Variants in SKAP2 observed in about 807,000 individuals in gnomAD.
The protein encoded by SKAP2 is src kinase-associated phosphoprotein 2.
Under a neutral mutation model 54.9 loss-of-function variants are expected in SKAP2, and 28 were observed. The ratio of observed to expected loss-of-function variants is 0.51; its 90% CI spans 0.38 to 0.70. The LOEUF (loss-of-function observed/expected upper bound fraction) is 0.70. Ranked by LOEUF, SKAP2 falls within the 30% of genes least tolerant of loss-of-function variation. The pLI is 0.00. For synonymous variants in SKAP2, 137 were observed against 134.3 expected (o/e 1.02, Z -0.14); for missense variants, 356 against 424.1 (o/e 0.84, Z 1.41).
At chr7:26,727,323 T>G (rs561293575) in intron 6 of SKAP2, among the ~76,000 whole-genome samples, 1 of 152,176 alleles carries the variant, frequency 6.6e-6, no homozygotes, top group Admixed American at 6.6e-5. Flanking sequence ...CACAAACCTT[T>G]GGCTCTTTCA....
chr7:26,794,930 C>T (rs1783743422), intron 4 of SKAP2, among the ~76,000 whole-genome samples: 1 of 152,190 alleles, frequency 6.6e-6, no homozygotes, highest in Non-Finnish European at 1.5e-5. Context: ...CCTAATAAAA[C>T]CCCATGTCTC....
At chr7:26,808,626 A>C (rs925329206) in intron 4 of SKAP2, among the ~76,000 whole-genome samples, 1 of 148,946 alleles carries the variant, frequency 6.7e-6, no homozygotes, top group African/African-American at 2.5e-5. Flanking sequence ...AAATTTCATA[A>C]TATGTGTCTT....
At chr7:26,794,676 C>T (rs765270915) in intron 4 of SKAP2, among the ~76,000 whole-genome samples, 1 of 152,206 alleles carries the variant, frequency 6.6e-6, no homozygotes, top group African/African-American at 2.4e-5. Context: ...TAGCCCACCA[C>T]CATTAGATTG....
At chr7:26,836,606 A>T (rs1784718490) in intron 4 of SKAP2, among the ~76,000 whole-genome samples, 1 of 152,238 alleles carries the variant, frequency 6.6e-6, no homozygotes, top group Non-Finnish European at 1.5e-5. Flanking sequence ...ATCACTGGAC[A>T]TGAGAGAAAT....
intron 4 of SKAP2, among the ~76,000 whole-genome samples, chr7:26,828,242 T>C (rs1784531937): frequency 1.3e-5 from 2 of 152,198 alleles, no homozygotes; most frequent in South Asian, 4.1e-4. Context: ...AGGTTTGTAT[T>C]TGCAATGCAA....
intron 11 of SKAP2, among the ~76,000 whole-genome samples, chr7:26,676,812 C>A (rs1225752506): frequency 6.6e-6 from 1 of 152,136 alleles, no homozygotes; most frequent in Non-Finnish European, 1.5e-5. Context: ...AAAAGAGAAG[C>A]AACTAATCCT....
At chr7:26,764,369 G>A (rs1470842793) in intron 4 of SKAP2, among the ~76,000 whole-genome samples, 4 of 152,154 alleles carry the variant, frequency 2.6e-5, no homozygotes, top group Non-Finnish European at 5.9e-5. Context: ...GACTACTCCT[G>A]TTGAACCGTA....
intron 11 of SKAP2, among the ~76,000 whole-genome samples, chr7:26,678,441 T>G (rs1786405591): frequency 6.7e-6 from 1 of 148,928 alleles, no homozygotes; most frequent in Admixed American, 6.6e-5. Flanking sequence ...AACTGGTTGT[T>G]CTTTTTTTTT....
chr7:26,810,711 C>G (rs1319375769), intron 4 of SKAP2, among the ~76,000 whole-genome samples: 1 of 152,114 alleles, frequency 6.6e-6, no homozygotes, highest in Non-Finnish European at 1.5e-5. Context: ...GAGACACAGT[C>G]TCACTCTGTC....
At chr7:26,746,577 C>T (rs1782563704) in intron 4 of SKAP2, 1 of 149,270 alleles carries the variant, frequency 6.7e-6, no homozygotes, top group African/African-American at 2.5e-5. Flanking sequence ...ATCCATGGCA[C>T]AGGTTAAAGA....
chr7:26,727,716 T>G (rs1787737634), intron 6 of SKAP2, among the ~76,000 whole-genome samples: 1 of 152,148 alleles, frequency 6.6e-6, no homozygotes, highest in Non-Finnish European at 1.5e-5. Context: ...TGATTACAGC[T>G]TTGGTCAGAT....
intron 1 of SKAP2, 52 bp downstream of exon 1, chr7:26,864,311 C>T (rs1228270038): frequency 6.2e-7 from 1 of 1,610,634 alleles, no homozygotes; most frequent in Non-Finnish European, 8.5e-7. Flanking sequence ...ACCGGCTCAC[C>T]GTTCCCTCGC....
At chr7:26,856,894 A>G (rs1337673415) in intron 1 of SKAP2, among the ~76,000 whole-genome samples, 2 of 151,782 alleles carry the variant, frequency 1.3e-5, no homozygotes, top group African/African-American at 2.4e-5. Context: ...TCTATTTTCT[A>G]TCACTGGAAG....
chr7:26,772,867 G>C (rs1475596939), intron 4 of SKAP2, among the ~76,000 whole-genome samples: 1 of 152,244 alleles, frequency 6.6e-6, no homozygotes, highest in African/African-American at 2.4e-5. Context: ...ATAGAATCTG[G>C]AATATTTAAT....
intron 4 of SKAP2, among the ~76,000 whole-genome samples, chr7:26,782,648 G>A (rs953724170): frequency 1.3e-5 from 2 of 152,082 alleles, no homozygotes; most frequent in African/African-American, 4.8e-5. Flanking sequence ...CTATGATCAT[G>A]CCATTGCACT....
intron 4 of SKAP2, among the ~76,000 whole-genome samples, chr7:26,810,207 C>A (rs1048217398): frequency 1.3e-5 from 2 of 151,942 alleles, no homozygotes; most frequent in African/African-American, 2.4e-5. Context: ...TTGTGGTACA[C>A]CCTTGTAGTC....
chr7:26,849,156 C>G (rs1253887410), intron 3 of SKAP2, among the ~76,000 whole-genome samples: 1 of 152,186 alleles, frequency 6.6e-6, no homozygotes, highest in Admixed American at 6.5e-5. Flanking sequence ...AAACTTCAGA[C>G]TTTTCTGCTA....
intron 6 of SKAP2, among the ~76,000 whole-genome samples, chr7:26,736,662 A>G (rs1787950001): frequency 6.6e-6 from 1 of 152,204 alleles, no homozygotes; most frequent in Non-Finnish European, 1.5e-5. Flanking sequence ...TCTTTCTTGC[A>G]TGAGATCCAA....
In SKAP2 at chr7:26,864,299, C is replaced by T. The variant is rs753249612; in HGVS notation, c.67+64G>A. On this transcript the variant is annotated intron_variant, in intron 1 of 12. Coordinates refer to ENST00000345317, the MANE Select transcript of SKAP2 (RefSeq NM_003930.5). ...ATAAGGGCTCTGAATGCTTCTGTCCCCACCGGCTCACCGTTCCCTCGCCCC... is the reference window on the plus strand; with the variant it reads ...ATAAGGGCTCTGAATGCTTCTGTCCTCACCGGCTCACCGTTCCCTCGCCCC... The T allele has an allele frequency of 5.6e-6, 9 of 1,603,250 alleles. No individual in the cohort carries two copies. In the African/African-American group the frequency reaches 1.2e-4, roughly 21 times the overall value.
Sources: allele counts gnomAD v4.1 joint callset (sites outside exome capture counted in the v4.1 genomes callset), GRCh38; gene constraint gnomAD v4.1.1; transcripts MANE v1.5; gene names NCBI Gene and HGNC (gene_info 2026-07-23, HGNC 2026-07-21).